The following STK32C variants were observed in gnomAD, a reference collection of about 807,000 sequenced individuals.
STK32C encodes the protein serine/threonine kinase 32C.
Under a neutral mutation model 56.5 loss-of-function variants are expected in STK32C, and 31 were observed. The ratio of observed to expected loss-of-function variants is 0.55; its 90% CI spans 0.41 to 0.74. STK32C has a LOEUF of 0.74. STK32C is among the 30% of genes least tolerant of loss of function. The probability of loss-of-function intolerance (pLI) is 0.00; values close to 1 mark genes in which losing one functional copy is unlikely to be tolerated. For synonymous variants in STK32C, 309 were observed against 289.4 expected, an observed-to-expected ratio of 1.07 and a Z score of -0.69; for missense variants, 544 against 676.9, an observed-to-expected ratio of 0.80 and a Z score of 2.18.
upstream of STK32C, chr10:132,331,875 AGGCGCACC>A: frequency 8.1e-7 from 1 of 1,237,802 alleles, no homozygotes; most frequent in Non-Finnish European, 1.1e-6. Flanking sequence ...GTGCGTGCGC[AGGCGCACC>A]ACCCCCTGCC....
chr10:132,236,173 AG>A (rs11327298), intron 2 of STK32C, among the ~76,000 whole-genome samples: 39,148 of 152,130 alleles, frequency 0.26, 5,756 homozygotes, highest in African/African-American at 0.4. Context: ...GGCCTCAGTC[AG>A]GAGCACAGAA....
intron 1 of STK32C, among the ~76,000 whole-genome samples, chr10:132,279,757 C>CA (rs2065101414): frequency 6.6e-6 from 1 of 151,612 alleles, no homozygotes; most frequent in Non-Finnish European, 1.5e-5. Flanking sequence ...CACACCACTG[C>CA]ACTCCGTGAT....
chr10:132,224,830 G>A (rs1207102282), intron 7 of STK32C, among the ~76,000 whole-genome samples: 1 of 152,172 alleles, frequency 6.6e-6, no homozygotes, highest in African/African-American at 2.4e-5. Flanking sequence ...TCCTGTGCAG[G>A]GCTGAGGGGT....
chr10:132,304,688 A>G (rs118170318), intron 1 of STK32C, among the ~76,000 whole-genome samples: 1 of 152,358 alleles, frequency 6.6e-6, no homozygotes, highest in Non-Finnish European at 1.5e-5. Context: ...TTTTAAATGC[A>G]TACATTTTAA....
intron 2 of STK32C, among the ~76,000 whole-genome samples, chr10:132,234,381 G>A (rs533330438): frequency 4.9e-4 from 75 of 152,258 alleles, no homozygotes; most frequent in African/African-American, 1.8e-3. Context: ...CCCATGCCTT[G>A]CCACGGTCCC....
At chr10:132,227,294 G>A (rs2062923823) in intron 3 of STK32C, among the ~76,000 whole-genome samples, 1 of 152,252 alleles carries the variant, frequency 6.6e-6, no homozygotes, top group African/African-American at 2.4e-5. Context: ...TCGGTAAAAT[G>A]GGGATACAGA....
chr10:132,269,846 G>A lies in STK32C; in HGVS notation c.263-23891C>T, dbSNP rs567259352. On this transcript the variant is annotated intron_variant, in intron 1 of 11. Transcript: ENST00000298630. ...TGAGAGGTTGGTGTTGGGAGGAGGC[G>A]TTCAGTGAGAGTCCCTAGCCTGCCA... Among the ~76,000 whole-genome samples the A allele has an allele frequency of 5.4e-4, 83 of 152,294 alleles. 1 individual carries two copies. The South Asian group carries it at 0.012, about 22-fold the overall frequency.
intron 10 of STK32C, among the ~76,000 whole-genome samples, chr10:132,210,652 G>A (rs116631037): frequency 0.014 from 2,087 of 152,354 alleles, 44 homozygotes; most frequent in African/African-American, 0.048. Flanking sequence ...TCCGATGAAC[G>A]GTTCAGGGAT....
At chr10:132,223,054 C>A (rs2062740313) in intron 8 of STK32C, 68 bp from the exon 9 acceptor site, 1 of 1,511,932 alleles carries the variant, frequency 6.6e-7, no homozygotes, top group Admixed American at 2.0e-5. Context: ...CCCGCCACCC[C>A]CAGGCCAGGG....
chr10:132,301,485 C>T (rs999464303), intron 1 of STK32C, among the ~76,000 whole-genome samples: 1 of 152,146 alleles, frequency 6.6e-6, no homozygotes, highest in Non-Finnish European at 1.5e-5. Flanking sequence ...TGGGAGCGCC[C>T]GTTAGGTGTG....
intron 1 of STK32C, among the ~76,000 whole-genome samples, chr10:132,299,726 CTAGTG>C (rs1457738173): frequency 6.6e-6 from 1 of 152,238 alleles, no homozygotes; most frequent in Non-Finnish European, 1.5e-5. Flanking sequence ...TGATAAGTCA[CTAGTG>C]TAGGGTAGTT....
chr10:132,299,501 G>A (rs1424920973), intron 1 of STK32C, among the ~76,000 whole-genome samples: 18 of 152,246 alleles, frequency 1.2e-4, no homozygotes, highest in Admixed American at 1.2e-3. Flanking sequence ...CCAGCCAACA[G>A]CAAACTAACT....
chr10:132,236,916 G>C (rs1333111975), intron 2 of STK32C, among the ~76,000 whole-genome samples: 1 of 152,202 alleles, frequency 6.6e-6, no homozygotes, highest in Non-Finnish European at 1.5e-5. Context: ...CCAAGTGCTT[G>C]TGGGCACCAG....
intron 10 of STK32C, among the ~76,000 whole-genome samples, chr10:132,211,691 A>G (rs2062304921): frequency 6.6e-6 from 1 of 152,172 alleles, no homozygotes; most frequent in Admixed American, 6.5e-5. Context: ...ACCCTTTGCC[A>G]GCACACACAC....
intron 6 of STK32C, 78 bp downstream of exon 6, chr10:132,225,449 G>C: frequency 6.3e-7 from 1 of 1,597,562 alleles, no homozygotes; most frequent in East Asian, 2.2e-5. Context: ...TCCAGGGTGG[G>C]ACAGAGAAGC....
intron 2 of STK32C, among the ~76,000 whole-genome samples, chr10:132,237,357 G>A (rs868685660): frequency 1.3e-5 from 2 of 152,240 alleles, no homozygotes; most frequent in South Asian, 2.1e-4. Context: ...CCATGCACAC[G>A]CCTGTCGAGG....
Position 132,273,569 on chromosome 10 carries a change from T to C in STK32C, c.263-27614A>G, listed in dbSNP as rs546268066. On this transcript the variant is annotated intron_variant, in intron 1 of 11. Transcript: ENST00000298630. The stretch of plus-strand genomic sequence containing the variant: ...TGAGATGAATGAGCGAATGAACACA[T>C]GGTGAGTGAATGAATACATGGTTAC... Among the ~76,000 whole-genome samples the C allele has an allele frequency of 1.1e-4, 16 of 147,124 alleles. No homozygotes were observed. In the South Asian group the frequency reaches 1.7e-3, roughly 16 times the overall value.
intron 2 of STK32C, among the ~76,000 whole-genome samples, chr10:132,240,047 T>A (rs1285627568): frequency 6.6e-6 from 1 of 152,172 alleles, no homozygotes; most frequent in Non-Finnish European, 1.5e-5. Context: ...GGAGCTGCCA[T>A]CCTGGTGGCC....
At chr10:132,213,174 AG>A (rs2062368532) in intron 10 of STK32C, among the ~76,000 whole-genome samples, 1 of 152,250 alleles carries the variant, frequency 6.6e-6, no homozygotes, top group African/African-American at 2.4e-5. Flanking sequence ...TGCTCTCCAA[AG>A]GAAAGGCTTA....
Sources: allele counts gnomAD v4.1 joint callset (sites outside exome capture counted in the v4.1 genomes callset), GRCh38; gene constraint gnomAD v4.1.1; transcripts MANE v1.5; gene names NCBI Gene and HGNC (gene_info 2026-07-23, HGNC 2026-07-21).